The following UGGT2 variants were observed in gnomAD, a reference collection of about 807,000 sequenced individuals.
UGGT2 encodes the protein UDP-glucose glycoprotein glucosyltransferase 2.
A neutral mutation model predicts 192.1 loss-of-function variants in UGGT2; 180 were observed. The ratio of observed to expected loss-of-function variants is 0.94; its 90% CI spans 0.83 to 1.06. The LOEUF (loss-of-function observed/expected upper bound fraction) is 1.06, where lower values mean the gene tolerates loss of function less well. Ranked by LOEUF, UGGT2 falls within the 50% of genes least tolerant of loss-of-function variation. The pLI is 0.00. For synonymous variants in UGGT2, 580 were observed against 591.0 expected, an observed-to-expected ratio of 0.98 and a Z score of 0.27; for missense variants, 1,849 against 1,795.7, an observed-to-expected ratio of 1.03 and a Z score of -0.54.
intron 12 of UGGT2, among the ~76,000 whole-genome samples, chr13:95,961,297 A>T (rs2050384397): frequency 6.6e-6 from 1 of 152,236 alleles, no homozygotes; most frequent in Non-Finnish European, 1.5e-5. Flanking sequence ...TACACTTAGA[A>T]GATACAGACT....
intron 28 of UGGT2, 55 bp from the exon 29 acceptor site, chr13:95,877,419 T>C (rs1891812218): frequency 5.7e-6 from 8 of 1,392,158 alleles, no homozygotes; most frequent in Non-Finnish European, 5.0e-6. Flanking sequence ...AACCATCGAA[T>C]TGCTCATGAA....
At chr13:95,874,843 T>C (rs1891528578) in intron 29 of UGGT2, among the ~76,000 whole-genome samples, 2 of 152,062 alleles carry the variant, frequency 1.3e-5, no homozygotes, top group Admixed American at 1.3e-4. Flanking sequence ...AGGTGTGAGC[T>C]ACTGTGCCTG....
chr13:95,927,168 T>A, intron 18 of UGGT2, 42 bp from the exon 19 acceptor site: 5 of 1,606,198 alleles, frequency 3.1e-6, no homozygotes, highest in Middle Eastern at 1.7e-4. Flanking sequence ...AATAAAGAAT[T>A]CACAACTCAA....
At chr13:95,908,153 T>C (rs772421983) in intron 20 of UGGT2, among the ~76,000 whole-genome samples, 2 of 152,092 alleles carry the variant, frequency 1.3e-5, no homozygotes, top group Non-Finnish European at 2.9e-5. Context: ...GTATCAGTGA[T>C]TGAAGATCAA....
chr13:95,929,169 C>T (rs1483068170), intron 17 of UGGT2, among the ~76,000 whole-genome samples: 1 of 152,044 alleles, frequency 6.6e-6, no homozygotes, highest in Admixed American at 6.5e-5. Flanking sequence ...GGCTTGGCAT[C>T]AGAGGGAGAT....
At chr13:95,966,946 T>C (rs764652260) in intron 12 of UGGT2, among the ~76,000 whole-genome samples, 1 of 152,232 alleles carries the variant, frequency 6.6e-6, no homozygotes, top group Non-Finnish European at 1.5e-5. Context: ...ATAATTTTCA[T>C]GTCAATAATA....
intron 38 of UGGT2, among the ~76,000 whole-genome samples, chr13:95,824,913 A>G (rs910354923): frequency 1.3e-5 from 2 of 151,972 alleles, no homozygotes; most frequent in Non-Finnish European, 2.9e-5. Flanking sequence ...ATTTCTTCTA[A>G]TTGTTCTTTA....
intron 15 of UGGT2, among the ~76,000 whole-genome samples, chr13:95,940,519 T>C (rs1006421841): frequency 6.6e-6 from 1 of 150,490 alleles, no homozygotes; most frequent in African/African-American, 2.5e-5. Context: ...AGTGGTGTGA[T>C]CATGGCTCAC....
intron 38 of UGGT2, among the ~76,000 whole-genome samples, chr13:95,812,709 T>C (rs1327716059): frequency 6.6e-6 from 1 of 151,972 alleles, no homozygotes; most frequent in Admixed American, 6.6e-5. Context: ...TGATAGTGAG[T>C]TCTCATAAGA....
intron 17 of UGGT2, among the ~76,000 whole-genome samples, chr13:95,934,973 CTT>C (rs1172010257): frequency 1.3e-5 from 2 of 152,198 alleles, no homozygotes; most frequent in Non-Finnish European, 2.9e-5. Context: ...ATTTGGGACA[CTT>C]AAGTCTTCTT....
chr13:95,823,617 T>C (rs1210094020), intron 38 of UGGT2, among the ~76,000 whole-genome samples: 1 of 152,090 alleles, frequency 6.6e-6, no homozygotes, highest in Admixed American at 6.6e-5. Flanking sequence ...AGCTTATCTT[T>C]TCCATCCCTT....
At chr13:95,869,508 T>C (rs542798289) in intron 29 of UGGT2, among the ~76,000 whole-genome samples, 2 of 152,122 alleles carry the variant, frequency 1.3e-5, no homozygotes, top group Non-Finnish European at 2.9e-5. Context: ...CCACCAACAG[T>C]GTAAAAGTGT....
intron 5 of UGGT2, among the ~76,000 whole-genome samples, chr13:96,001,154 T>C (rs1374014300): frequency 1.3e-5 from 2 of 152,200 alleles, no homozygotes; most frequent in Non-Finnish European, 2.9e-5. Context: ...CTTGCACGTA[T>C]ATGCCCAGAT....
intron 21 of UGGT2, 87 bp from the exon 22 acceptor site, chr13:95,901,025 A>C (rs1458390996): frequency 2.2e-6 from 2 of 930,026 alleles, no homozygotes; most frequent in African/African-American, 3.4e-5. Flanking sequence ...TATTAGTATA[A>C]AATTTTAAAT....
chr13:95,999,380 G>A (rs1479527368), intron 5 of UGGT2, 73 bp from the exon 6 acceptor site: 11 of 1,330,174 alleles, frequency 8.3e-6, no homozygotes, highest in African/African-American at 2.9e-5. Context: ...TCAGTACCAC[G>A]ATGTATTTGG....
intron 29 of UGGT2, among the ~76,000 whole-genome samples, chr13:95,869,347 T>C (rs772442562): frequency 2.6e-5 from 4 of 152,164 alleles, no homozygotes; most frequent in Non-Finnish European, 5.9e-5. Context: ...GCAATAAACA[T>C]ACGTGTGCAT....
chr13:95,945,141 G>A (rs1314301562), intron 15 of UGGT2, among the ~76,000 whole-genome samples: 1 of 151,882 alleles, frequency 6.6e-6, no homozygotes, highest in African/African-American at 2.4e-5. Context: ...TCACAGATAT[G>A]GTTGGATTAA....
At chr13:95,911,584 C>A (rs1263954104) in intron 20 of UGGT2, among the ~76,000 whole-genome samples, 1 of 152,092 alleles carries the variant, frequency 6.6e-6, no homozygotes, top group Non-Finnish European at 1.5e-5. Context: ...GAAATTGAGG[C>A]AATAATTAAT....
At chr13:95,964,482 G>A (rs1389059009) in intron 12 of UGGT2, among the ~76,000 whole-genome samples, 1 of 152,050 alleles carries the variant, frequency 6.6e-6, no homozygotes, top group African/African-American at 2.4e-5. Context: ...AAAACCTTCT[G>A]CACAGCAAAG....
Sources: gnomAD v4.1 joint callset for allele counts (sites outside exome capture counted in the v4.1 genomes callset) on GRCh38, gnomAD v4.1.1 for gene constraint, MANE v1.5 for transcripts, NCBI Gene and HGNC (gene_info 2026-07-23, HGNC 2026-07-21) for gene names.